Variants in RAPGEF5 observed in about 807,000 individuals in gnomAD.
The protein encoded by RAPGEF5 is M-Ras-regulated GEF.
In RAPGEF5, 65 loss-of-function variants were observed where a neutral mutation model predicts 125.2. The ratio of observed to expected loss-of-function variants is 0.52; its 90% CI spans 0.43 to 0.64. The LOEUF (loss-of-function observed/expected upper bound fraction) is 0.64. RAPGEF5 is among the 30% of genes least tolerant of loss of function. The probability of loss-of-function intolerance (pLI) is 0.00; values close to 1 mark genes in which losing one functional copy is unlikely to be tolerated. For missense variants in RAPGEF5, 958 were observed against 1,048.1 expected (o/e 0.91, Z 1.19); for synonymous variants, 391 against 385.9 (o/e 1.01, Z -0.16).
chr7:22,297,516 T>C (rs1783089455), intron 5 of RAPGEF5, among the ~76,000 whole-genome samples: 1 of 152,220 alleles, frequency 6.6e-6, no homozygotes, highest in Non-Finnish European at 1.5e-5. Flanking sequence ...CCCCACAGCA[T>C]TGAAGACCCA....
In RAPGEF5 at chr7:22,334,149, G is replaced by T. The variant is rs146435926; in HGVS notation, c.232-16112C>A. On this transcript the variant is annotated intron_variant, in intron 1 of 25. Coordinates refer to ENST00000665637, the MANE Select transcript of RAPGEF5 (RefSeq NM_012294.5). ...CCCACACCCCACGGACCTCAGCATG[G>T]GCCCGAGCCTGACCCTGAGCATGAC... Among the ~76,000 whole-genome samples, 147 of 152,272 alleles carry T rather than the reference G, an allele frequency of 9.7e-4. 1 individual carries two copies. Among genetic ancestry groups the T allele is most frequent in the African/African-American group, 3.4e-3 (143 of 41,562 alleles).
intron 9 of RAPGEF5, among the ~76,000 whole-genome samples, chr7:22,201,009 G>T (rs1027420061): frequency 6.6e-6 from 1 of 152,214 alleles, no homozygotes; most frequent in African/African-American, 2.4e-5. Flanking sequence ...GTTTAATGAA[G>T]GGGCTATTTA....
chr7:22,270,791 C>G (rs2128142631), intron 6 of RAPGEF5, among the ~76,000 whole-genome samples: 1 of 152,272 alleles, frequency 6.6e-6, no homozygotes, highest in African/African-American at 2.4e-5. Context: ...TCTGGGGCAG[C>G]AACTTGTAGT....
At chr7:22,269,490 T>A (rs986851023) in intron 6 of RAPGEF5, among the ~76,000 whole-genome samples, 1 of 152,044 alleles carries the variant, frequency 6.6e-6, no homozygotes, top group Admixed American at 6.6e-5. Context: ...ACAACCCTAT[T>A]TATACAAAGA....
chr7:22,315,278 C>T, intron 3 of RAPGEF5, 92 bp downstream of exon 3: 1 of 1,419,292 alleles, frequency 7.0e-7, no homozygotes, highest in Non-Finnish European at 9.4e-7. Flanking sequence ...TGATATTGTC[C>T]ACCTCTCTTT....
intron 1 of RAPGEF5, among the ~76,000 whole-genome samples, chr7:22,318,930 C>T (rs2128155308): frequency 6.6e-6 from 1 of 151,470 alleles, no homozygotes; most frequent in Admixed American, 6.6e-5. Flanking sequence ...GCAGCTTATA[C>T]TGCTTTGCTT....
In RAPGEF5 at chr7:22,235,003, G is replaced by T. The variant is rs1025076769; in HGVS notation, c.797-4084C>A. 9.9e-5 allele frequency among the ~76,000 whole-genome samples: 15 copies of T among 152,104 alleles called. No individual in the cohort carries two copies. In the South Asian group the frequency reaches 1.2e-3, roughly 13 times the overall value. On this transcript the variant is annotated intron_variant, in intron 7 of 25. Coordinates refer to ENST00000665637, the MANE Select transcript of RAPGEF5 (RefSeq NM_012294.5). Reference sequence around the variant, plus strand: ...AAACATTAAACACACAATGACTGTCGTGTGCTGACTCTCATCAGGACCATT... The same window carrying T: ...AAACATTAAACACACAATGACTGTCTTGTGCTGACTCTCATCAGGACCATT...
chr7:22,282,092 A>C (rs1467365966), intron 6 of RAPGEF5, among the ~76,000 whole-genome samples: 1 of 152,144 alleles, frequency 6.6e-6, no homozygotes, highest in Non-Finnish European at 1.5e-5. Flanking sequence ...TATATTCAAC[A>C]TATCATTCAA....
At chr7:22,310,999 T>G (rs2128153165) in intron 3 of RAPGEF5, among the ~76,000 whole-genome samples, 1 of 152,252 alleles carries the variant, frequency 6.6e-6, no homozygotes, top group Admixed American at 6.5e-5. Flanking sequence ...TTCATCAAAT[T>G]TCACTCTCCC....
chr7:22,330,429 C>G (rs1245757330), intron 1 of RAPGEF5, among the ~76,000 whole-genome samples: 1 of 152,180 alleles, frequency 6.6e-6, no homozygotes. Context: ...ACAGTGATAA[C>G]CTATGGTAGG....
At chr7:22,196,883 G>T (rs927432452) in intron 9 of RAPGEF5, among the ~76,000 whole-genome samples, 5 of 152,190 alleles carry the variant, frequency 3.3e-5, no homozygotes, top group African/African-American at 1.2e-4. Flanking sequence ...ACAAATTTAT[G>T]AATTATTTAA....
chr7:22,262,891 C>T (rs544273273), intron 7 of RAPGEF5, among the ~76,000 whole-genome samples: 1 of 152,190 alleles, frequency 6.6e-6, no homozygotes, highest in East Asian at 1.9e-4. Context: ...TTTAGACTTC[C>T]TTGGTCAAGG....
intron 11 of RAPGEF5, among the ~76,000 whole-genome samples, chr7:22,187,357 T>G (rs1371262674): frequency 6.6e-6 from 1 of 152,240 alleles, no homozygotes; most frequent in Non-Finnish European, 1.5e-5. Context: ...GCTGTTTTTT[T>G]AATGGAGCCC....
intron 7 of RAPGEF5, among the ~76,000 whole-genome samples, chr7:22,239,371 T>TAAAG (rs904901003): frequency 6.6e-5 from 10 of 152,216 alleles, no homozygotes; most frequent in African/African-American, 2.2e-4. Flanking sequence ...AACGTTTGAA[T>TAAAG]AAAGGTGTGC....
chr7:22,195,504 G>A (rs754913259), intron 9 of RAPGEF5, among the ~76,000 whole-genome samples: 47 of 152,036 alleles, frequency 3.1e-4, no homozygotes, highest in Non-Finnish European at 5.9e-4. Context: ...ATGTAAAACC[G>A]ATGTATTACA....
chr7:22,145,025 T>G lies in RAPGEF5; in HGVS notation c.2186+19A>C. ...TCAAGAAGACTAGAGGAATGGCACT[T>G]CTCACACTAGAAACTTACTGAGCCG... On this transcript the variant is annotated intron_variant, in intron 20 of 25. Transcript: ENST00000665637. 6.2e-7 allele frequency: 1 copy of G among 1,609,164 alleles called. No individual in the cohort carries two copies. The highest frequency in any genetic ancestry group is 8.5e-7 in the Non-Finnish European group (1 of 1,176,848).
intron 5 of RAPGEF5, among the ~76,000 whole-genome samples, chr7:22,305,162 C>A (rs965744834): frequency 2.6e-5 from 4 of 152,166 alleles, no homozygotes; most frequent in Non-Finnish European, 4.4e-5. Context: ...ACGGGTTACC[C>A]GATCTCTGTA....
chr7:22,265,657 T>A (rs1453023324), intron 7 of RAPGEF5, among the ~76,000 whole-genome samples: 3 of 141,602 alleles, frequency 2.1e-5, no homozygotes, highest in Non-Finnish European at 4.6e-5. Context: ...CTCCATACTG[T>A]TTCCCATAGT....
chr7:22,217,663 G>C (rs1785672181), intron 9 of RAPGEF5, among the ~76,000 whole-genome samples: 1 of 152,150 alleles, frequency 6.6e-6, no homozygotes, highest in Non-Finnish European at 1.5e-5. Flanking sequence ...TAGAAAGAAA[G>C]ATCCCTAATA....
Sources: gnomAD v4.1 joint callset for allele counts (sites outside exome capture counted in the v4.1 genomes callset) on GRCh38, gnomAD v4.1.1 for gene constraint, MANE v1.5 for transcripts, NCBI Gene and HGNC (gene_info 2026-07-23, HGNC 2026-07-21) for gene names.